The following SHBG variants were observed in gnomAD, a reference collection of about 807,000 sequenced individuals.
SHBG encodes sex hormone binding globulin.
In SHBG, 37 loss-of-function variants were observed where a neutral mutation model predicts 41.9. The ratio of observed to expected loss-of-function variants is 0.88; its 90% CI spans 0.68 to 1.16. The LOEUF is 1.16. Ranked by LOEUF, SHBG falls within the 50% of genes most tolerant of loss-of-function variation. SHBG has a pLI of 0.00. For missense variants in SHBG, 466 were observed against 499.9 expected (o/e 0.93, Z 0.65); for synonymous variants, 217 against 205.8 (o/e 1.05, Z -0.47).
rs571391814 is a variant in SHBG at position 7,617,464 on chromosome 17, A to C, written c.-62+3353A>C. On this transcript the variant is annotated intron_variant, in intron 1 of 5. Coordinates refer to the SHBG transcript ENST00000570547. Reference sequence around the variant, plus strand: ...CTAAAAATACAAAAATTAGCTGGGCATGGTGGCACGCGCTTGTAGTCCCAG... The same window carrying C: ...CTAAAAATACAAAAATTAGCTGGGCCTGGTGGCACGCGCTTGTAGTCCCAG... 2.0e-4 allele frequency among the ~76,000 whole-genome samples: 30 copies of C among 152,010 alleles called. No homozygotes were observed. In the South Asian group the frequency reaches 6.2e-3, roughly 32 times the overall value.
upstream of SHBG, chr17:7,627,759 G>A (rs764817192): frequency 9.1e-7 from 1 of 1,093,778 alleles, no homozygotes; most frequent in Non-Finnish European, 1.4e-6. This position sits in a 1 kb window ranked among gnomAD's most constrained non-coding sequence, Gnocchi z 4.8. Flanking sequence ...AGTCGGGGGG[G>A]ACGGCGGGGT....
upstream of SHBG, among the ~76,000 whole-genome samples, chr17:7,629,202 C>T (rs965627991): frequency 2.0e-5 from 3 of 151,698 alleles, no homozygotes; most frequent in African/African-American, 4.8e-5. Context: ...GTGAAATCCC[C>T]GTCTCTACTA....
upstream of SHBG, chr17:7,630,106 C>A: frequency 7.3e-7 from 1 of 1,374,316 alleles, no homozygotes; most frequent in Non-Finnish European, 1.0e-6. This position sits in a 1 kb window ranked among gnomAD's most constrained non-coding sequence, Gnocchi z 4.6. Context: ...CGCCCACACG[C>A]AAGGCTGCCT....
At chr17:7,631,006 T>G (rs2072390914) in intron 3 of SHBG, 137 bp downstream of exon 3, 1 of 977,000 alleles carries the variant, frequency 1.0e-6, no homozygotes. Flanking sequence ...TAGCTATTCT[T>G]GGCCCCATCT....
At chr17:7,619,671 A>G (rs1216977535) in intron 1 of SHBG, among the ~76,000 whole-genome samples, 1 of 150,980 alleles carries the variant, frequency 6.6e-6, no homozygotes, top group Non-Finnish European at 1.5e-5. Flanking sequence ...AGATCATGCC[A>G]TTGCACTCCA....
chr17:7,633,065 G>A lies in SHBG; in HGVS notation c.1060+106G>A, dbSNP rs1015525114. 2.8e-6 allele frequency: 4 copies of A among 1,412,272 alleles called. No homozygotes were observed. The Admixed American group carries it at 6.9e-5, about 24-fold the overall frequency. The allele number at this position is 1,412,272 out of a possible 1,614,324, so 87.5% of individuals were successfully genotyped here. On this transcript the variant is annotated intron_variant, in intron 7 of 7. Transcript: ENST00000380450. ...AACCTCTGGGAGGGAAGAAGAATAG[G>A]CCACAAGAAGAAGATATGGGGGCAG...
upstream of SHBG, chr17:7,627,676 C>G (rs1237184226): frequency 6.2e-7 from 1 of 1,612,040 alleles, no homozygotes; most frequent in African/African-American, 1.3e-5. This position sits in a 1 kb window ranked among gnomAD's most constrained non-coding sequence, Gnocchi z 4.8. Flanking sequence ...CAGGGCCTCG[C>G]AAACGGCAAC....
upstream of SHBG, among the ~76,000 whole-genome samples, chr17:7,624,690 C>T (rs2072160267): frequency 6.6e-6 from 1 of 151,916 alleles, no homozygotes; most frequent in Admixed American, 6.6e-5. Flanking sequence ...ATGGCTCTGT[C>T]ACTCAGGCTG....
chr17:7,627,845 T>C (rs1446827775), upstream of SHBG: 2 of 657,728 alleles, frequency 3.0e-6, no homozygotes, highest in African/African-American at 1.8e-5. The surrounding 1 kb of genome is among the most constrained non-coding windows in gnomAD (Gnocchi z 4.8). Context: ...GGCGATCCTC[T>C]GTCCGGGCAT....
upstream of SHBG, among the ~76,000 whole-genome samples, chr17:7,623,083 T>C (rs1466982938): frequency 6.9e-6 from 1 of 144,632 alleles, no homozygotes; most frequent in Non-Finnish European, 1.5e-5. Flanking sequence ...CAAAACAAGA[T>C]GGGGGCAAGA....
At chr17:7,633,153 A>G (rs1339749139) in intron 7 of SHBG, 51 bp from the exon 8 acceptor site, 4 of 1,607,284 alleles carry the variant, frequency 2.5e-6, no homozygotes, top group South Asian at 1.1e-5. Context: ...AAGATTCTGG[A>G]TCCGAGCCAC....
intron 1 of SHBG, chr17:7,614,441 C>A: frequency 6.6e-7 from 1 of 1,525,920 alleles, no homozygotes; most frequent in Non-Finnish European, 8.8e-7. Flanking sequence ...CCAGTCGGCG[C>A]GCCGTCTCAC....
intron 1 of SHBG, chr17:7,614,511 C>G: frequency 4.6e-6 from 7 of 1,515,328 alleles, no homozygotes; most frequent in Non-Finnish European, 6.2e-6. Context: ...TCCACATCCC[C>G]CCCAGAGGCC....
Position 7,630,845 on chromosome 17 carries a change from G to C in SHBG, c.369G>C (p.Arg123=). The C allele has an allele frequency of 1.2e-6, 2 of 1,613,508 alleles. No homozygotes were observed. The highest frequency in any genetic ancestry group is 1.7e-6 in the Non-Finnish European group (2 of 1,180,022). The change falls in exon 3 of 8, where the codon CGG becomes CGC. Residue 123 remains arginine, a synonymous_variant. Transcript: ENST00000380450. The surrounding 1 kb of genome is among the most constrained non-coding windows in gnomAD (Gnocchi z 4.6). ...AGCTTACGGTGGGTGCTGGACCACG[G>C]CTGGATGATGGGAGATGGCACCAGG... ...WAQLTVGAGP[R]LDDGRWHQVE...
intron 1 of SHBG, among the ~76,000 whole-genome samples, chr17:7,620,749 G>A (rs2072077513): frequency 6.6e-6 from 1 of 151,738 alleles, no homozygotes; most frequent in Non-Finnish European, 1.5e-5. Flanking sequence ...TCCTGTCTCA[G>A]TTTCCCAAAT....
chr17:7,624,215 G>A (rs2072149920), upstream of SHBG, among the ~76,000 whole-genome samples: 1 of 151,728 alleles, frequency 6.6e-6, no homozygotes, highest in East Asian at 1.9e-4. Context: ...GCCTCCCAAA[G>A]TGTTAGGATA....
At chr17:7,615,301 C>T (rs2071952161) in intron 1 of SHBG, among the ~76,000 whole-genome samples, 1 of 152,102 alleles carries the variant, frequency 6.6e-6, no homozygotes, top group African/African-American at 2.4e-5. Flanking sequence ...TGCTTGGTCA[C>T]TTTCCCCACC....
At chr17:7,624,089 T>C (rs2072147290), upstream of SHBG, among the ~76,000 whole-genome samples, 2 of 152,024 alleles carry the variant, frequency 1.3e-5, no homozygotes, top group Non-Finnish European at 2.9e-5. Context: ...GTAGCTGGGA[T>C]TACAGGCTTG....
chr17:7,614,843 T>G (rs1261569191), intron 1 of SHBG: 1 of 164,128 alleles, frequency 6.1e-6, no homozygotes, highest in Non-Finnish European at 1.3e-5. Context: ...CGGGACCCGC[T>G]GCTGCCGCTG....
Sources: gnomAD v4.1 joint callset for allele counts (sites outside exome capture counted in the v4.1 genomes callset) on GRCh38, gnomAD v4.1.1 for gene constraint, Gnocchi (gnomAD v3.1) non-coding constraint, MANE v1.5 for transcripts, NCBI Gene and HGNC (gene_info 2026-07-23, HGNC 2026-07-21) for gene names.